SUCO: variants seen among roughly 807,000 people sequenced by gnomAD.
SUCO encodes the protein SUN domain containing ossification factor, also known as SUN domain-containing ossification factor.
SUCO carries 57 observed loss-of-function variants against 148.1 expected under a neutral mutation model. The observed-to-expected ratio is 0.38, with a 90% CI of 0.31 to 0.48. The LOEUF is 0.48. Ranked by LOEUF, SUCO falls within the 20% of genes least tolerant of loss-of-function variation. The pLI, the probability that SUCO is intolerant of heterozygous loss-of-function variation, is 0.96. For synonymous variants in SUCO, 470 were observed against 502.7 expected (o/e 0.93, Z 0.87); for missense variants, 1,331 against 1,468.2 (o/e 0.91, Z 1.53).
rs1388349941 is a variant in SUCO, at chr1:172,609,748, T to C, written c.3322-68T>C. 2.6e-6 allele frequency: 4 copies of C among 1,530,494 alleles called. No individual in the cohort carries two copies. The African/African-American group carries it at 5.6e-5, about 21-fold the overall frequency. 94.8% of individuals were successfully genotyped at this position (1,530,494 alleles called of 1,614,324 possible). A position where few individuals can be genotyped will look rare whatever the true frequency, so the allele number is the denominator to read the frequency against. ...GGTGGCACTTCTCTATTAGCTCAGC[T>C]CTCTAGGTGTTTGATAAGGTTACTA... On this transcript the variant is annotated intron_variant, in intron 23 of 23. Coordinates refer to ENST00000263688, the MANE Select transcript of SUCO (RefSeq NM_014283.5).
intron 1 of SUCO, among the ~76,000 whole-genome samples, chr1:172,536,194 G>C (rs543475305): frequency 6.6e-6 from 1 of 152,176 alleles, no homozygotes; most frequent in South Asian, 2.1e-4. Flanking sequence ...ACTTGGCTAA[G>C]TTTAAGCAGC....
chr1:172,603,326 T>C (rs1210626229), intron 22 of SUCO: 1 of 152,136 alleles, frequency 6.6e-6, no homozygotes, highest in African/African-American at 2.4e-5. Flanking sequence ...TTCAGTATCT[T>C]GTAATTAATG....
chr1:172,574,761 G>C, intron 10 of SUCO: 1 of 312,182 alleles, frequency 3.2e-6, no homozygotes, highest in Non-Finnish European at 4.7e-6. Flanking sequence ...TTATGGAACT[G>C]TTATTTTGTC....
At chr1:172,573,260 C>T (rs1048940521) in intron 9 of SUCO, among the ~76,000 whole-genome samples, 4 of 152,132 alleles carry the variant, frequency 2.6e-5, no homozygotes, top group Non-Finnish European at 4.4e-5. Flanking sequence ...CTTTCTGTTA[C>T]TATAAATTAG....
At chr1:172,586,020 A>G in intron 17 of SUCO, 72 bp downstream of exon 17, 1 of 984,126 alleles carries the variant, frequency 1.0e-6, no homozygotes, top group South Asian at 1.8e-5. Context: ...TAAAAAAAGG[A>G]ATTTGTGATT....
intron 19 of SUCO, among the ~76,000 whole-genome samples, chr1:172,593,909 CT>C (rs1035638302): frequency 6.6e-6 from 1 of 152,048 alleles, no homozygotes; most frequent in South Asian, 2.1e-4. Flanking sequence ...TGGTCCTGGA[CT>C]TTTTTTGGTT....
At chr1:172,564,605 C>CT (rs57265081) in intron 6 of SUCO, among the ~76,000 whole-genome samples, 315 of 144,386 alleles carry the variant, frequency 2.2e-3, no homozygotes, top group Middle Eastern at 0.018. Context: ...TTCAGTTAAA[C>CT]TTTTTTTTTT....
intron 19 of SUCO, among the ~76,000 whole-genome samples, chr1:172,592,086 A>C (rs1656715753): frequency 6.6e-6 from 1 of 152,120 alleles, no homozygotes; most frequent in Non-Finnish European, 1.5e-5. Context: ...TTCTTTTGAG[A>C]AGTGTCTGTT....
At chr1:172,570,910 A>C in intron 9 of SUCO, 180 bp downstream of exon 9, 1 of 489,716 alleles carries the variant, frequency 2.0e-6, no homozygotes, top group East Asian at 3.4e-5. Context: ...GGTCACAAAA[A>C]GCAAAAAATG....
At chr1:172,585,504 T>C (rs1372484760) in intron 16 of SUCO, among the ~76,000 whole-genome samples, 2 of 152,172 alleles carry the variant, frequency 1.3e-5, no homozygotes, top group Non-Finnish European at 2.9e-5. Context: ...TCTTGCCTTT[T>C]TGTTTTTTTA....
intron 3 of SUCO, among the ~76,000 whole-genome samples, chr1:172,554,752 A>G (rs542060027): frequency 6.6e-6 from 1 of 152,188 alleles, no homozygotes; most frequent in Admixed American, 6.5e-5. Context: ...AAAAAAAAAA[A>G]AGCATGTAAA....
intron 20 of SUCO, among the ~76,000 whole-genome samples, chr1:172,600,428 T>C: frequency 6.6e-6 from 1 of 152,222 alleles, no homozygotes; most frequent in East Asian, 1.9e-4. Flanking sequence ...TTTGTAAGCA[T>C]TGATAGTAGC....
chr1:172,532,877 G>T (rs2149211384), upstream of SUCO: 1 of 1,496,454 alleles, frequency 6.7e-7, no homozygotes, highest in Non-Finnish European at 8.9e-7. Flanking sequence ...AAGTGGGCGG[G>T]ACCTGGGGCG....
chr1:172,595,216 A>G (rs1657006543), intron 19 of SUCO, among the ~76,000 whole-genome samples: 1 of 152,096 alleles, frequency 6.6e-6, no homozygotes, highest in South Asian at 2.1e-4. Flanking sequence ...CAGCACACTG[A>G]TGGGTCTTGA....
intron 6 of SUCO, among the ~76,000 whole-genome samples, chr1:172,565,060 T>TTCTGA (rs1315388952): frequency 6.6e-6 from 1 of 150,980 alleles, no homozygotes; most frequent in Non-Finnish European, 1.5e-5. Context: ...TTCTATTCTG[T>TTCTGA]TCTGATCTGT....
chr1:172,537,975 AC>A (rs1446257527), intron 1 of SUCO, among the ~76,000 whole-genome samples: 13 of 152,166 alleles, frequency 8.5e-5, no homozygotes, highest in Non-Finnish European at 1.3e-4. Context: ...GAGAACACTT[AC>A]CCAGTTATCT....
At chr1:172,559,393 T>C (rs998549785) in intron 6 of SUCO, among the ~76,000 whole-genome samples, 1 of 152,226 alleles carries the variant, frequency 6.6e-6, no homozygotes, top group Non-Finnish European at 1.5e-5. Flanking sequence ...TATAAGTGTA[T>C]GTTTCTTGTT....
chr1:172,542,450 G>A (rs762713766), intron 1 of SUCO, among the ~76,000 whole-genome samples: 2 of 152,100 alleles, frequency 1.3e-5, no homozygotes, highest in East Asian at 1.9e-4. Flanking sequence ...CCTGGGCTGC[G>A]GACCAGTACT....
intron 19 of SUCO, among the ~76,000 whole-genome samples, chr1:172,599,777 A>C (rs745581324): frequency 2.6e-5 from 4 of 152,236 alleles, no homozygotes; most frequent in Non-Finnish European, 5.9e-5. Flanking sequence ...TGTTAATTTG[A>C]AAAGTAATTT....
Sources: gnomAD v4.1 joint callset for allele counts (sites outside exome capture counted in the v4.1 genomes callset) on GRCh38, gnomAD v4.1.1 for gene constraint, MANE v1.5 for transcripts, NCBI Gene and HGNC (gene_info 2026-07-23, HGNC 2026-07-21) for gene names.